CRK: variants seen among roughly 807,000 people sequenced by gnomAD.
CRK encodes CRK proto-oncogene, adaptor protein.
In CRK, 4 loss-of-function variants were observed where a neutral mutation model predicts 29.8. The observed-to-expected ratio is 0.13, with a 90% CI of 0.07 to 0.31. CRK has a LOEUF of 0.31. Among genes scored for constraint, CRK ranks in the 10% least tolerant of loss-of-function variants. CRK has a pLI of 1.00. For synonymous variants in CRK, 153 were observed against 164.9 expected (o/e 0.93, Z 0.55); for missense variants, 274 against 396.5 (o/e 0.69, Z 2.62).
Position 1,423,509 on chromosome 17 carries a change from A to G in CRK, c.*4T>C, listed in dbSNP as rs184468514. 7.4e-5 allele frequency: 120 copies of G among 1,613,022 alleles called. No individual in the cohort carries two copies. The highest frequency in any genetic ancestry group is 1.0e-4 in the Non-Finnish European group (120 of 1,179,588). On this transcript the variant is annotated 3_prime_UTR_variant, in exon 3 of 3. Transcript: ENST00000300574. ...CATCTGTCAGCAAAACTGTTGAACT[A>G]TACTCAGCTGAAGTCCTCATCGGGA...
intron 2 of CRK, among the ~76,000 whole-genome samples, chr17:1,434,440 T>A (rs1422937922): frequency 1.3e-5 from 2 of 152,170 alleles, no homozygotes; most frequent in African/African-American, 2.4e-5. Flanking sequence ...ATACCCTTGA[T>A]GAGCGGTGAC....
intron 1 of CRK, among the ~76,000 whole-genome samples, chr17:1,449,526 C>T (rs756698861): frequency 9.9e-5 from 15 of 152,058 alleles, no homozygotes; most frequent in Non-Finnish European, 2.1e-4. Flanking sequence ...GAAACTGAAG[C>T]AGGGAAAAGT....
In CRK at chr17:1,423,484, C is replaced by T. The variant is rs1445964605; in HGVS notation, c.*29G>A. On this transcript the variant is annotated 3_prime_UTR_variant, in exon 3 of 3. Transcript: ENST00000300574. The stretch of plus-strand genomic sequence containing the variant: ...GGAAAAAAAAAAAAAAGATTGTTCC[C>T]ATCTGTCAGCAAAACTGTTGAACTA... The T allele has an allele frequency of 1.3e-6, 2 of 1,584,860 alleles. No individual in the cohort carries two copies. The highest frequency in any genetic ancestry group is 1.7e-6 in the Non-Finnish European group (2 of 1,165,604).
In CRK at chr17:1,421,370, A is replaced by G. The variant is rs1329684454; in HGVS notation, c.*2143T>C. Reference sequence around the variant, plus strand: ...TTTTTGATGCCATACTTTCAGGAAAACAAGATTTAATGTGTGTGTGGACTT... The same window carrying G: ...TTTTTGATGCCATACTTTCAGGAAAGCAAGATTTAATGTGTGTGTGGACTT... On this transcript the variant is annotated 3_prime_UTR_variant, in exon 3 of 3. Coordinates refer to ENST00000300574, the MANE Select transcript of CRK (RefSeq NM_016823.4). The G allele has an allele frequency of 2.6e-5, 4 of 152,242 alleles. No homozygotes were observed. The highest frequency in any genetic ancestry group is 2.9e-5 in the Non-Finnish European group (2 of 68,050). 9.4% of individuals were successfully genotyped at this position (152,242 alleles called of 1,614,324 possible). A position where few individuals can be genotyped will look rare whatever the true frequency, so the allele number is the denominator to read the frequency against.
chr17:1,450,904 A>ACAAAT (rs1182293159), intron 1 of CRK, among the ~76,000 whole-genome samples: 2 of 148,370 alleles, frequency 1.3e-5, no homozygotes, highest in African/African-American at 5.0e-5. Flanking sequence ...ACAAAACAAA[A>ACAAAT]CAAATAGGCC....
chr17:1,445,459 T>C (rs1359621261), intron 1 of CRK, among the ~76,000 whole-genome samples: 1 of 152,176 alleles, frequency 6.6e-6, no homozygotes, highest in Non-Finnish European at 1.5e-5. Flanking sequence ...ACACTCCTCA[T>C]GCACCAATAG....
intron 1 of CRK, among the ~76,000 whole-genome samples, chr17:1,450,363 C>T (rs940743001): frequency 7.9e-5 from 12 of 151,900 alleles, no homozygotes; most frequent in Non-Finnish European, 1.5e-4. Flanking sequence ...AAAAATTAGC[C>T]GGGCATAGTG....
intron 2 of CRK, among the ~76,000 whole-genome samples, chr17:1,427,030 C>CAAAAAAAAAAAAAAAAAAAAAAA (rs562515421): frequency 1.1e-4 from 4 of 35,304 alleles, no homozygotes; most frequent in African/African-American, 2.2e-4. Context: ...AAACTGTCTC[C>CAAAAAAAAAAAAAAAAAAAAAAA]AAAAAAAAAA....
rs1438664158 is a variant in CRK at position 1,421,502 on chromosome 17, T to C, written c.*2011A>G. ...CACTAATGAGCACCCACTCTGTGCA[T>C]AGCACTGGGCTACCATTTTACAAGT... On this transcript the variant is annotated 3_prime_UTR_variant, in exon 3 of 3. Coordinates refer to ENST00000300574, the MANE Select transcript of CRK (RefSeq NM_016823.4). 3 of 152,234 alleles carry C rather than the reference T, an allele frequency of 2.0e-5. No individual in the cohort carries two copies. The highest frequency in any genetic ancestry group is 2.9e-5 in the Non-Finnish European group (2 of 68,042). 9.4% of individuals were successfully genotyped at this position (152,234 alleles called of 1,614,324 possible).
At chr17:1,440,705 G>A (rs373196195) in intron 1 of CRK, among the ~76,000 whole-genome samples, 76 of 152,246 alleles carry the variant, frequency 5.0e-4, no homozygotes, top group African/African-American at 1.7e-3. Context: ...GAGGACAGGA[G>A]AGCGAGACTT....
At chr17:1,441,638 C>T (rs890042126) in intron 1 of CRK, among the ~76,000 whole-genome samples, 4 of 149,262 alleles carry the variant, frequency 2.7e-5, no homozygotes, top group African/African-American at 7.4e-5. Context: ...ACTACAGGCC[C>T]GCGCCACCAC....
chr17:1,431,067 A>AAAACAAAC (rs11273899), intron 2 of CRK, among the ~76,000 whole-genome samples: 64,879 of 150,546 alleles, frequency 0.43, 14,385 homozygotes, highest in South Asian at 0.53. Context: ...ACTCCGTCTC[A>AAAACAAAC]AAACAAACAA....
rs144568032 is a variant in CRK at position 1,421,561 on chromosome 17, T to C, written c.*1952A>G. ...ACGTCTTTATCAAGCATGACCTTAG[T>C]GTGAGGTAAAATACATTAAATTAGC... On this transcript the variant is annotated 3_prime_UTR_variant, in exon 3 of 3. Coordinates refer to ENST00000300574, the MANE Select transcript of CRK (RefSeq NM_016823.4). 6.6e-6 allele frequency: 1 copy of C among 152,274 alleles called. No homozygotes were observed. Among genetic ancestry groups the C allele is most frequent in the Non-Finnish European group, 1.5e-5 (1 of 68,028 alleles). The allele number at this position is 152,274 out of a possible 1,614,324, so 9.4% of individuals were successfully genotyped here.
At position 1,450,262 on chromosome 17, in the gene CRK, A is replaced by G. The variant is rs537168958; in HGVS notation, c.241+5615T>C. ...GGTGGCTCAGGCCTGTAATCCCAGC[A>G]CTTTGGGAGGCCAAGGTGGGCGGAT... On this transcript the variant is annotated intron_variant, in intron 1 of 2. Coordinates refer to ENST00000300574, the MANE Select transcript of CRK (RefSeq NM_016823.4). Among the ~76,000 whole-genome samples the G allele has an allele frequency of 1.1e-4, 16 of 152,198 alleles. No homozygotes were observed. The East Asian group carries it at 3.1e-3, about 30-fold the overall frequency.
At chr17:1,429,822 A>C (rs1341817160) in intron 2 of CRK, among the ~76,000 whole-genome samples, 1 of 151,816 alleles carries the variant, frequency 6.6e-6, no homozygotes, top group Admixed American at 6.6e-5. Flanking sequence ...AGTCCCAGCT[A>C]CTTGGGAGGC....
At chr17:1,454,796 A>G (rs1261494545) in intron 1 of CRK, among the ~76,000 whole-genome samples, 1 of 152,190 alleles carries the variant, frequency 6.6e-6, no homozygotes, top group African/African-American at 2.4e-5. Context: ...ATTACTTTGT[A>G]CCTCACAAAT....
intron 1 of CRK, among the ~76,000 whole-genome samples, chr17:1,448,104 T>A (rs562371447): frequency 6.6e-6 from 1 of 151,936 alleles, no homozygotes; most frequent in Admixed American, 6.6e-5. Context: ...ATCGCGCCAC[T>A]GCACTCCAGC....
intron 1 of CRK, among the ~76,000 whole-genome samples, chr17:1,438,594 A>T (rs1195266232): frequency 1.3e-5 from 2 of 152,140 alleles, no homozygotes; most frequent in Non-Finnish European, 2.9e-5. Flanking sequence ...GCTATGAAGC[A>T]AACAGGTCAT....
chr17:1,431,132 C>T (rs760073415), intron 2 of CRK, among the ~76,000 whole-genome samples: 5 of 152,072 alleles, frequency 3.3e-5, no homozygotes, highest in African/African-American at 1.2e-4. Context: ...TCTCCTGAAA[C>T]GTTTAGAGCA....
Sources: allele counts gnomAD v4.1 joint callset (sites outside exome capture counted in the v4.1 genomes callset), GRCh38; gene constraint gnomAD v4.1.1; transcripts MANE v1.5; gene names NCBI Gene and HGNC (gene_info 2026-07-23, HGNC 2026-07-21).